The following NHS variants were observed in gnomAD, a reference collection of about 807,000 sequenced individuals.
The protein encoded by NHS is actin remodeling regulator NHS.
A neutral mutation model predicts 72.5 loss-of-function variants in NHS; 5 were observed. The ratio of observed to expected loss-of-function variants is 0.07; its 90% CI spans 0.04 to 0.14. The LOEUF (loss-of-function observed/expected upper bound fraction) is 0.14. Ranked by LOEUF, NHS falls within the 10% of genes least tolerant of loss-of-function variation. The pLI, the probability that NHS is intolerant of heterozygous loss-of-function variation, is 1.00. For synonymous variants in NHS, 464 were observed against 547.7 expected (o/e 0.85, Z 2.13); for missense variants, 1,072 against 1,355.7 (o/e 0.79, Z 3.29).
chrX:17,713,263 T>C (rs141071056), intron 3 of NHS, among the ~76,000 whole-genome samples: 1,116 of 111,516 alleles, frequency 0.01, 5 homozygotes, highest in Non-Finnish European at 0.016. Flanking sequence ...CTGAGGCCAA[T>C]AGGACACAGT....
Position 17,732,617 on chromosome X carries a change from A to C in NHS, c.*153A>C. 1 of 828,037 alleles carries C rather than the reference A, an allele frequency of 1.2e-6. No individual in the cohort carries two copies. Among genetic ancestry groups the C allele is most frequent in the Non-Finnish European group, 1.8e-6 (1 of 570,952 alleles). 68.2% of individuals were successfully genotyped at this position (828,037 alleles called of 1,213,427 possible). ...TTTCTAAATACAGTATGTGCTGGGT[A>C]AACAGAAAGTGGTTTAGACATTCTT... On this transcript the variant is annotated 3_prime_UTR_variant, in exon 9 of 9. Coordinates refer to ENST00000676302, the MANE Select transcript of NHS (RefSeq NM_001291867.2).
chrX:17,493,522 C>G (rs1021968818), intron 1 of NHS, among the ~76,000 whole-genome samples: 1 of 112,130 alleles, frequency 8.9e-6, no homozygotes, highest in Non-Finnish European at 1.9e-5. Flanking sequence ...CATCGCCAGT[C>G]CCCCAGCACA....
At chrX:17,626,530 A>G (rs2065798844) in intron 1 of NHS, among the ~76,000 whole-genome samples, 1 of 112,082 alleles carries the variant, frequency 8.9e-6, no homozygotes, top group South Asian at 3.7e-4. Flanking sequence ...AGAAACTTCA[A>G]TGGGATGACA....
At chrX:17,521,319 C>G (rs763130572) in intron 1 of NHS, among the ~76,000 whole-genome samples, 9 of 109,733 alleles carry the variant, frequency 8.2e-5, no homozygotes, top group African/African-American at 2.4e-4. Flanking sequence ...TATGCTTTTG[C>G]TACTGAGGAA....
intron 1 of NHS, among the ~76,000 whole-genome samples, chrX:17,566,484 C>T (rs2146970369): frequency 8.9e-6 from 1 of 111,984 alleles, no homozygotes; most frequent in East Asian, 2.8e-4. Flanking sequence ...CTGTCTGTCT[C>T]TTTGCTCACA....
intron 2 of NHS, 32 bp from the exon 3 acceptor site, chrX:17,692,303 A>T (rs1479610340): frequency 8.3e-7 from 1 of 1,207,159 alleles, no homozygotes; most frequent in East Asian, 3.0e-5. Context: ...TGCCAAGTGT[A>T]TTTCAGTATT....
chrX:17,447,725 T>C (rs1261377382), intron 1 of NHS, among the ~76,000 whole-genome samples: 1 of 108,055 alleles, frequency 9.3e-6, no homozygotes, highest in African/African-American at 3.4e-5. Context: ...TAGCAAGATT[T>C]TGAGTCAACA....
At chrX:17,674,793 G>T (rs2066070208) in intron 1 of NHS, among the ~76,000 whole-genome samples, 2 of 112,023 alleles carry the variant, frequency 1.8e-5, no homozygotes. Context: ...GGAGATCAAA[G>T]GCTCTCCTCA....
At chrX:17,408,267 A>G (rs1210062429) in intron 1 of NHS, among the ~76,000 whole-genome samples, 1 of 111,247 alleles carries the variant, frequency 9.0e-6, no homozygotes, top group African/African-American at 3.3e-5. Context: ...CGGCCTCCCA[A>G]AGTTCTGGGG....
chrX:17,607,411 A>G, intron 1 of NHS, among the ~76,000 whole-genome samples: 1 of 111,820 alleles, frequency 8.9e-6, no homozygotes, highest in Non-Finnish European at 1.9e-5. Context: ...ACTCTAGTGT[A>G]TGTCCTGGTC....
At chrX:17,583,885 G>C (rs1347403098) in intron 1 of NHS, among the ~76,000 whole-genome samples, 1 of 112,172 alleles carries the variant, frequency 8.9e-6, no homozygotes, top group East Asian at 2.8e-4. Flanking sequence ...AATATATTTA[G>C]GCCATTTCCA....
At chrX:17,648,634 C>T (rs927542369) in intron 1 of NHS, among the ~76,000 whole-genome samples, 2 of 112,455 alleles carry the variant, frequency 1.8e-5, no homozygotes. Flanking sequence ...GGGTAACTCT[C>T]CTTGTATTCA....
chrX:17,381,346 C>G (rs1438960928), intron 1 of NHS, among the ~76,000 whole-genome samples: 1 of 111,499 alleles, frequency 9.0e-6, no homozygotes, highest in Non-Finnish European at 1.9e-5. Context: ...CATAAGTGTT[C>G]GTCTTGGTTG....
chrX:17,415,111 A>G (rs1412942513), intron 1 of NHS, among the ~76,000 whole-genome samples: 6 of 111,276 alleles, frequency 5.4e-5, no homozygotes. Flanking sequence ...TGCACCAAGA[A>G]CAAGCAAATG....
intron 1 of NHS, among the ~76,000 whole-genome samples, chrX:17,532,761 T>C (rs2065204650): frequency 9.0e-6 from 1 of 111,389 alleles, no homozygotes; most frequent in African/African-American, 3.3e-5. Flanking sequence ...CTCGATGGAT[T>C]GATTCATTTA....
intron 1 of NHS, among the ~76,000 whole-genome samples, chrX:17,608,660 C>T (rs1009022588): frequency 2.8e-5 from 3 of 107,707 alleles, no homozygotes; most frequent in Non-Finnish European, 5.8e-5. Flanking sequence ...ACTGCAGAAA[C>T]AATGAAAAGA....
In NHS at chrX:17,734,499, CAG is replaced by C. The variant is rs894531285; in HGVS notation, c.*2042_*2043del. ...GGAGGGGTATAAGAGGAGGGAGAGT[CAG>C]AGAGAGTGTGTATGGGTGTGTGTGA... On this transcript the variant is annotated 3_prime_UTR_variant, in exon 9 of 9. Transcript: ENST00000676302. 4.5e-5 allele frequency: 5 copies of C among 110,918 alleles called. No individual in the cohort carries two copies. The highest frequency in any genetic ancestry group is 9.6e-5 in the Admixed American group (1 of 10,393). The allele number at this position is 110,918 out of a possible 1,213,427, so 9.1% of individuals were successfully genotyped here. A position where few individuals can be genotyped will look rare whatever the true frequency, so the allele number is the denominator to read the frequency against.
intron 1 of NHS, among the ~76,000 whole-genome samples, chrX:17,514,558 G>T (rs1308109974): frequency 1.8e-5 from 2 of 112,037 alleles, no homozygotes; most frequent in Non-Finnish European, 3.8e-5. Context: ...ACTTGGACTG[G>T]CTTCCTTGCT....
intron 1 of NHS, among the ~76,000 whole-genome samples, chrX:17,434,372 A>T (rs752096667): frequency 5.3e-4 from 59 of 111,369 alleles, no homozygotes; most frequent in Non-Finnish European, 9.4e-4. Flanking sequence ...TGATTCAAAA[A>T]TTGCTACCAA....
Sources: gnomAD v4.1 joint callset for allele counts (sites outside exome capture counted in the v4.1 genomes callset) on GRCh38, gnomAD v4.1.1 for gene constraint, MANE v1.5 for transcripts, NCBI Gene and HGNC (gene_info 2026-07-23, HGNC 2026-07-21) for gene names.